Variants in GPC5 observed in about 807,000 individuals in gnomAD.
The protein encoded by GPC5 is glypican 5, also known as glypican-5.
GPC5 carries 47 observed loss-of-function variants against 53.9 expected under a neutral mutation model. The observed-to-expected ratio is 0.87, with a 90% confidence interval of 0.69 to 1.11. GPC5 has a LOEUF of 1.11. Ranked by LOEUF, GPC5 falls within the 50% of genes most tolerant of loss-of-function variation. The pLI is 0.00. For synonymous variants in GPC5, 286 were observed against 263.3 expected (o/e 1.09, Z -0.84); for missense variants, 748 against 713.1 (o/e 1.05, Z -0.56).
intron 7 of GPC5, among the ~76,000 whole-genome samples, chr13:92,182,537 G>T (rs569616458): frequency 6.6e-6 from 1 of 152,240 alleles, no homozygotes; most frequent in South Asian, 2.1e-4. Flanking sequence ...TTATGCCAAA[G>T]TTCTATTTAG....
intron 2 of GPC5, among the ~76,000 whole-genome samples, chr13:91,548,318 A>G (rs1429186984): frequency 6.6e-6 from 1 of 152,200 alleles, no homozygotes; most frequent in Non-Finnish European, 1.5e-5. Flanking sequence ...CATATATGTC[A>G]GCCATGAACA....
chr13:92,330,689 T>G (rs1490490628), intron 7 of GPC5, among the ~76,000 whole-genome samples: 2 of 152,168 alleles, frequency 1.3e-5, no homozygotes, highest in Non-Finnish European at 2.9e-5. Context: ...GTATTTATCT[T>G]TCCTAAGAGT....
At chr13:92,368,142 G>T (rs1364372774) in intron 7 of GPC5, among the ~76,000 whole-genome samples, 1 of 151,766 alleles carries the variant, frequency 6.6e-6, no homozygotes, top group African/African-American at 2.4e-5. Context: ...CCTCAGCCAC[G>T]CCTGGCTAAT....
intron 5 of GPC5, among the ~76,000 whole-genome samples, chr13:91,789,043 A>G (rs2037922547): frequency 1.3e-5 from 2 of 152,034 alleles, no homozygotes; most frequent in Admixed American, 6.6e-5. Context: ...GCGAAACCCC[A>G]TCTCTACTAA....
chr13:92,464,807 A>G (rs569013945), intron 7 of GPC5, among the ~76,000 whole-genome samples: 93 of 152,116 alleles, frequency 6.1e-4, no homozygotes, highest in Non-Finnish European at 8.8e-4. Flanking sequence ...TATGGGCTCC[A>G]AATTTCTTGC....
At chr13:92,519,742 T>C (rs1880953983) in intron 7 of GPC5, among the ~76,000 whole-genome samples, 1 of 151,940 alleles carries the variant, frequency 6.6e-6, no homozygotes, top group South Asian at 2.1e-4. Flanking sequence ...AGCAAACACA[T>C]TCAAAAGCTA....
chr13:92,811,391 A>G (rs1233253962), intron 7 of GPC5, among the ~76,000 whole-genome samples: 1 of 151,920 alleles, frequency 6.6e-6, no homozygotes, highest in Non-Finnish European at 1.5e-5. Flanking sequence ...GATATTGAGT[A>G]TCTTTGTAAG....
At chr13:92,507,279 A>T (rs535813752) in intron 7 of GPC5, among the ~76,000 whole-genome samples, 1 of 152,272 alleles carries the variant, frequency 6.6e-6, no homozygotes, top group East Asian at 1.9e-4. Flanking sequence ...ATCACAAGGA[A>T]TTTTTTCTCA....
At position 91,831,753 on chromosome 13, in the gene GPC5, A is replaced by G. The variant is rs553275994; in HGVS notation, c.1280+75333A>G. On this transcript the variant is annotated intron_variant, in intron 5 of 7. Coordinates refer to ENST00000377067, the MANE Select transcript of GPC5 (RefSeq NM_004466.6). ...AAAATTAGCAGGTTTTTCAGTTTCC[A>G]TGTAGTTGTGCAGTTTTGAGTGAGT... is the stretch of plus-strand genomic sequence containing the variant. Among the ~76,000 whole-genome samples the G allele has an allele frequency of 2.8e-4, 43 of 152,122 alleles. No homozygotes were observed. The South Asian group carries it at 8.3e-3, about 29-fold the overall frequency.
chr13:91,967,456 G>C (rs1450097277), intron 6 of GPC5, among the ~76,000 whole-genome samples: 1 of 151,918 alleles, frequency 6.6e-6, no homozygotes, highest in African/African-American at 2.4e-5. Context: ...AAAATCATTA[G>C]AATATTAAAA....
intron 6 of GPC5, among the ~76,000 whole-genome samples, chr13:91,932,397 G>A (rs1209249325): frequency 3.9e-5 from 6 of 151,962 alleles, no homozygotes; most frequent in African/African-American, 7.2e-5. Flanking sequence ...TCTTATTTTG[G>A]TCCTTCACAT....
At chr13:92,810,319 G>T (rs1594522318) in intron 7 of GPC5, among the ~76,000 whole-genome samples, 1 of 151,786 alleles carries the variant, frequency 6.6e-6, no homozygotes, top group Non-Finnish European at 1.5e-5. Flanking sequence ...TGTAAAGAAT[G>T]ATCTATGTAA....
chr13:92,103,106 C>T (rs138686514), intron 6 of GPC5, among the ~76,000 whole-genome samples: 178 of 152,184 alleles, frequency 1.2e-3, no homozygotes, highest in Non-Finnish European at 1.9e-3. Flanking sequence ...AAGTGATCCT[C>T]TTGCCTCAGC....
At chr13:92,221,280 G>A (rs548350627) in intron 7 of GPC5, among the ~76,000 whole-genome samples, 5 of 152,196 alleles carry the variant, frequency 3.3e-5, no homozygotes, top group South Asian at 2.1e-4. Flanking sequence ...CAGACTGAGC[G>A]TTTTCTGAAA....
At chr13:92,568,141 G>A (rs1333484795) in intron 7 of GPC5, among the ~76,000 whole-genome samples, 2 of 151,930 alleles carry the variant, frequency 1.3e-5, no homozygotes, top group Admixed American at 1.3e-4. Flanking sequence ...GAGCAATATA[G>A]TGAGACTCCA....
At chr13:91,788,606 G>A (rs2037914668) in intron 5 of GPC5, among the ~76,000 whole-genome samples, 1 of 152,114 alleles carries the variant, frequency 6.6e-6, no homozygotes, top group African/African-American at 2.4e-5. Flanking sequence ...TTTGCTACTT[G>A]TTAAACAGTG....
At chr13:92,663,784 C>CTA (rs1196994125) in intron 7 of GPC5, among the ~76,000 whole-genome samples, 6 of 138,624 alleles carry the variant, frequency 4.3e-5, no homozygotes, top group Admixed American at 7.5e-5. Flanking sequence ...TATACACACA[C>CTA]TATATATACA....
rs77094394 is a variant in GPC5, at chr13:92,043,026, T to A, written c.1402-101804T>A. On this transcript the variant is annotated intron_variant, in intron 6 of 7. Transcript: ENST00000377067. Reference sequence around the variant, plus strand: ...AGATTTGGGTACACAGATGAAAGAATCAATGAACTTGTAAATCAATCCATG... The same window carrying A: ...AGATTTGGGTACACAGATGAAAGAAACAATGAACTTGTAAATCAATCCATG... 5.5e-3 allele frequency among the ~76,000 whole-genome samples: 836 copies of A among 152,056 alleles called. 31 individuals carry two copies. The East Asian group carries it at 0.091, about 17-fold the overall frequency.
intron 7 of GPC5, among the ~76,000 whole-genome samples, chr13:92,469,240 G>A (rs117911632): frequency 0.032 from 4,883 of 151,552 alleles, 86 homozygotes; most frequent in Non-Finnish European, 0.038. Flanking sequence ...ATGGAATATC[G>A]CTCTGTCACC....
Sources: allele counts gnomAD v4.1 joint callset (sites outside exome capture counted in the v4.1 genomes callset), GRCh38; gene constraint gnomAD v4.1.1; transcripts MANE v1.5; gene names NCBI Gene and HGNC (gene_info 2026-07-23, HGNC 2026-07-21).